Variants in RAB4A observed in about 807,000 individuals in gnomAD.
RAB4A encodes the protein ras-related protein Rab-4A.
A neutral mutation model predicts 34.5 loss-of-function variants in RAB4A; 20 were observed. The ratio of observed to expected loss-of-function variants is 0.58; its 90% CI spans 0.41 to 0.84. RAB4A has a LOEUF of 0.84. Ranked by LOEUF, RAB4A falls within the 40% of genes least tolerant of loss-of-function variation. The pLI is 0.00. For missense variants in RAB4A, 228 were observed against 274.5 expected (o/e 0.83, Z 1.20); for synonymous variants, 102 against 100.0 (o/e 1.02, Z -0.12).
At chr1:229,297,192 A>G (rs540828970) in intron 4 of RAB4A, among the ~76,000 whole-genome samples, 3 of 152,396 alleles carry the variant, frequency 2.0e-5, no homozygotes, top group East Asian at 1.9e-4. Flanking sequence ...TAAGAGCTCA[A>G]TAGATATTTG....
At chr1:229,287,857 TG>T (rs1656967334) in intron 2 of RAB4A, among the ~76,000 whole-genome samples, 1 of 152,216 alleles carries the variant, frequency 6.6e-6, no homozygotes. Context: ...AATTAAATTT[TG>T]TTCTGCAGTT....
chr1:229,302,707 G>A (rs949933825), intron 6 of RAB4A, among the ~76,000 whole-genome samples, 155 bp from the exon 7 acceptor site: 1 of 150,944 alleles, frequency 6.6e-6, no homozygotes, highest in African/African-American at 2.4e-5. Context: ...GTTTTGTGCC[G>A]GTGCAAGCAA....
Position 229,271,112 on chromosome 1 carries a change from T to C in RAB4A, c.-228T>C, listed in dbSNP as rs918221557. The C allele has an allele frequency of 5.7e-6, 2 of 353,476 alleles. No homozygotes were observed. The highest frequency in any genetic ancestry group is 4.8e-5 in the Admixed American group (1 of 20,852). The allele number at this position is 353,476 out of a possible 1,614,324, so 21.9% of individuals were successfully genotyped here. On this transcript the variant is annotated 5_prime_UTR_variant, in exon 1 of 8. Transcript: ENST00000366690. ...GCCGGGCCTCGCGTAGCCCATCTCC[T>C]CTTCCTCCTCGCGGTCGCGGCCGGA...
In RAB4A at chr1:229,302,894, A is replaced by G. The variant is rs1657453987; in HGVS notation, c.574A>G (p.Ile192Val). 6.2e-7 allele frequency: 1 copy of G among 1,613,736 alleles called. No homozygotes were observed. The highest frequency in any genetic ancestry group is 8.5e-7 in the Non-Finnish European group (1 of 1,179,872). The change falls in exon 7 of 8, where the codon ATT becomes GTT. Residue 192 changes from isoleucine (I) to valine (V), a missense_variant. Coordinates refer to ENST00000366690, the MANE Select transcript of RAB4A (RefSeq NM_004578.4). ...ELDPERMGSG[I>V]QYGDAALRQL... is the part of the protein sequence containing the mutation. ...GGACCCAGAAAGAATGGGCTCAGGT[A>G]TTCAGTACGGAGATGCTGCCTTGAG...
chr1:229,271,513 T>A, intron 1 of RAB4A, 143 bp downstream of exon 1: 1 of 723,630 alleles, frequency 1.4e-6, no homozygotes, highest in Non-Finnish European at 1.8e-6. Context: ...GTGTCTGGGC[T>A]TGGGACCGGG....
intron 6 of RAB4A, 36 bp downstream of exon 6, chr1:229,299,108 A>G (rs551772647): frequency 1.4e-6 from 2 of 1,428,330 alleles, no homozygotes; most frequent in Admixed American, 3.9e-5. Flanking sequence ...TTTCTTCTGC[A>G]TATTTTACAC....
chr1:229,274,918 C>T (rs532232717), intron 1 of RAB4A, among the ~76,000 whole-genome samples: 2 of 152,292 alleles, frequency 1.3e-5, no homozygotes, highest in Non-Finnish European at 2.9e-5. Flanking sequence ...GTTCTATGCT[C>T]ATTTTTATTA....
At chr1:229,290,387 T>C (rs1558238189) in intron 3 of RAB4A, among the ~76,000 whole-genome samples, 1 of 152,154 alleles carries the variant, frequency 6.6e-6, no homozygotes, top group Non-Finnish European at 1.5e-5. Flanking sequence ...GCCAGGTGTG[T>C]ATGTCCCACA....
intron 1 of RAB4A, among the ~76,000 whole-genome samples, chr1:229,272,282 A>T (rs1656510664): frequency 6.6e-6 from 1 of 152,152 alleles, no homozygotes; most frequent in South Asian, 2.1e-4. Context: ...AGTCCCAGAG[A>T]GAGGCTCAAG....
intron 1 of RAB4A, among the ~76,000 whole-genome samples, chr1:229,272,129 T>C (rs1264546409): frequency 3.3e-5 from 5 of 151,918 alleles, no homozygotes; most frequent in African/African-American, 9.7e-5. Context: ...TTTTTTTTTT[T>C]CTCCCCTTTT....
intron 7 of RAB4A, 112 bp downstream of exon 7, chr1:229,303,101 T>A: frequency 1.3e-6 from 1 of 741,332 alleles, no homozygotes; most frequent in Non-Finnish European, 2.2e-6. Context: ...CCGGGTGCAG[T>A]GGCTCTAATT....
At chr1:229,280,556 AT>A (rs543034526) in intron 1 of RAB4A, among the ~76,000 whole-genome samples, 9 of 151,234 alleles carry the variant, frequency 6.0e-5, no homozygotes, top group Non-Finnish European at 1.2e-4. Context: ...AATATCACGT[AT>A]TTTTTTTTCC....
chr1:229,297,557 C>G lies in RAB4A; in HGVS notation c.366C>G (p.Ile122Met). 6.2e-7 allele frequency: 1 copy of G among 1,613,184 alleles called. No individual in the cohort carries two copies. The highest frequency in any genetic ancestry group is 8.5e-7 in the Non-Finnish European group (1 of 1,179,898). Reference protein sequence around the residue: ...RMLASQNIVIILCGNKKDLDA... With the variant: ...RMLASQNIVIMLCGNKKDLDA... ...TAGCGAGCCAGAACATTGTGATCAT[C>G]CTTTGTGGAAACAAGAAGGACCTGG... is the stretch of plus-strand genomic sequence containing the variant. Residue 122 changes from isoleucine to methionine, a missense_variant, in exon 5 of 8, where the codon ATC becomes ATG. Transcript: ENST00000366690.
At chr1:229,299,501 A>T (rs1049432554) in intron 6 of RAB4A, among the ~76,000 whole-genome samples, 1 of 152,230 alleles carries the variant, frequency 6.6e-6, no homozygotes, top group East Asian at 1.9e-4. Flanking sequence ...ATCGGGCATC[A>T]TGGAACTATG....
intron 4 of RAB4A, among the ~76,000 whole-genome samples, 186 bp downstream of exon 4, chr1:229,296,096 A>G (rs1249763808): frequency 6.6e-6 from 1 of 152,160 alleles, no homozygotes; most frequent in Non-Finnish European, 1.5e-5. Context: ...AGCCCCTACC[A>G]CTGCTTTCCC....
chr1:229,283,045 C>T (rs1656816075), intron 1 of RAB4A, among the ~76,000 whole-genome samples: 1 of 152,166 alleles, frequency 6.6e-6, no homozygotes, highest in African/African-American at 2.4e-5. Flanking sequence ...GTTATAGGAC[C>T]TTAGATCTTT....
chr1:229,286,549 A>G lies in RAB4A; in HGVS notation c.95A>G (p.Gln32Arg). The change falls in exon 2 of 8, where the codon CAG becomes CGG. Residue 32 changes from glutamine to arginine, a missense_variant. Physicochemically the swap from Gln to Arg is conservative, Grantham distance 43. Transcript: ENST00000366690. ...ACTGGCAAATCTTGCTTACTTCATC[A>G]GTTTATTGAAAAAAAATGTAAGTGT... ...AGTGKSCLLH[Q>R]FIEKKFKDDS... is the part of the protein sequence containing the mutation. 1 of 1,572,896 alleles carries G rather than the reference A, an allele frequency of 6.4e-7. No homozygotes were observed.
chr1:229,302,466 C>G (rs967479089), intron 6 of RAB4A, among the ~76,000 whole-genome samples: 1 of 149,850 alleles, frequency 6.7e-6, no homozygotes, highest in Non-Finnish European at 1.5e-5. Flanking sequence ...GCCATGTCCA[C>G]AGCATGTAGT....
chr1:229,289,970 T>C (rs1657025657), intron 3 of RAB4A, among the ~76,000 whole-genome samples: 1 of 152,174 alleles, frequency 6.6e-6, no homozygotes, highest in South Asian at 2.1e-4. Flanking sequence ...AAATGTCTGT[T>C]AAGTAACTGA....
Sources: gnomAD v4.1 joint callset for allele counts (sites outside exome capture counted in the v4.1 genomes callset) on GRCh38, gnomAD v4.1.1 for gene constraint, MANE v1.5 for transcripts, NCBI Gene and HGNC (gene_info 2026-07-23, HGNC 2026-07-21) for gene names.